MST1R: variants seen among roughly 807,000 people sequenced by gnomAD.
MST1R encodes macrophage-stimulating protein receptor.
Under a neutral mutation model 117.8 loss-of-function variants are expected in MST1R, and 99 were observed. The observed-to-expected ratio is 0.84, with a 90% CI of 0.71 to 0.99. The LOEUF (loss-of-function observed/expected upper bound fraction) is 0.99, where lower values mean the gene tolerates loss of function less well. Ranked by LOEUF, MST1R falls within the 50% of genes least tolerant of loss-of-function variation. MST1R has a pLI of 0.00. For missense variants in MST1R, 1,683 were observed against 1,840.2 expected, an observed-to-expected ratio of 0.91 and a Z score of 1.56; for synonymous variants, 734 against 765.3, an observed-to-expected ratio of 0.96 and a Z score of 0.68.
chr3:49,894,085 G>A (rs2082395359), intron 14 of MST1R, among the ~76,000 whole-genome samples: 1 of 150,874 alleles, frequency 6.6e-6, no homozygotes, highest in Non-Finnish European at 1.5e-5. Context: ...TGTTGTGGCA[G>A]GCGCCTGTAA....
chr3:49,894,707 T>G (rs953624970), intron 14 of MST1R, among the ~76,000 whole-genome samples: 29 of 152,194 alleles, frequency 1.9e-4, no homozygotes, highest in Non-Finnish European at 2.9e-4. Context: ...ATTTTACAGA[T>G]GAGCAAATGG....
At chr3:49,889,608 A>G (rs1290794967) in intron 19 of MST1R, among the ~76,000 whole-genome samples, 1 of 152,114 alleles carries the variant, frequency 6.6e-6, no homozygotes, top group East Asian at 1.9e-4. Context: ...CTCGAGATTA[A>G]ATGAGAGGAA....
At chr3:49,897,830 G>A (rs940585277) in intron 5 of MST1R, 145 bp from the exon 6 acceptor site, 2 of 1,246,462 alleles carry the variant, frequency 1.6e-6, no homozygotes, top group African/African-American at 3.0e-5. Context: ...GTTCTGGTGG[G>A]GCAGAGATTA....
At position 49,898,809 on chromosome 3, in the gene MST1R, G is replaced by A. The variant is rs2082569251; in HGVS notation, c.1548+58C>T. On this transcript the variant is annotated intron_variant, in intron 3 of 19. Coordinates refer to ENST00000296474, the MANE Select transcript of MST1R (RefSeq NM_002447.4). ...TGTATGTCAATGCCTCCCTGGATTG[G>A]ATGGAGAGTCTGTGATCCCACAACC... The A allele has an allele frequency of 1.6e-5, 25 of 1,610,856 alleles. No individual in the cohort carries two copies. In the South Asian group the frequency reaches 2.5e-4, roughly 16 times the overall value.
chr3:49,903,103 G>A lies in MST1R; in HGVS notation c.507C>T (p.Asn169=), dbSNP rs2108509960. ...APACLFSAHH[N]RPDDCPDCVA... is the part of the protein sequence containing the mutation. ...CACAGTCGGGGCAGTCATCGGGCCG[G>A]TTATGGTGGGCTGAGAAGAGGCAGG... The change falls in exon 1 of 20, where the codon AAC becomes AAT. Residue 169 remains asparagine (N), a synonymous_variant. Transcript: ENST00000296474. 6.2e-7 allele frequency: 1 copy of A among 1,605,684 alleles called. No homozygotes were observed.
rs759222285 is a variant in MST1R, at chr3:49,898,135, G to T, written c.1796C>A (p.Ser599Tyr). Residue 599 changes from serine (S) to tyrosine (Y), a missense_variant, in exon 5 of 20, where the codon TCT (serine) becomes TAT (tyrosine). Ser to Tyr is a moderately radical substitution (Grantham distance 144). Transcript: ENST00000296474. ...ATGGGTTCCCTCAGGCACCAGACCA[G>T]AAGGGTGAAGGTAGAAGTTGGAGCC... ...LCGSNFYLHP[S>Y]GLVPEGTHQV... 1.5e-5 allele frequency: 25 copies of T among 1,613,970 alleles called. No homozygotes were observed. The highest frequency in any genetic ancestry group is 2.0e-5 in the Non-Finnish European group (24 of 1,180,040).
Position 49,895,885 on chromosome 3 carries a change from G to A in MST1R, c.2797-5C>T, listed in dbSNP as rs759285383. ...ACATTCACCATCTACGCAGACCTGG[G>A]GGCAGGTGGCAACTCAGGCCCAGCC... On this transcript the variant is annotated splice_region_variant and splice_polypyrimidine_tract_variant and intron_variant, in intron 11 of 19. Coordinates refer to ENST00000296474, the MANE Select transcript of MST1R (RefSeq NM_002447.4). 6.3e-7 allele frequency: 1 copy of A among 1,592,604 alleles called. No homozygotes were observed. The highest frequency in any genetic ancestry group is 8.6e-7 in the Non-Finnish European group (1 of 1,168,326).
intron 1 of MST1R, among the ~76,000 whole-genome samples, chr3:49,901,922 CGTG>C (rs948267520): frequency 8.9e-5 from 4 of 44,828 alleles, no homozygotes; most frequent in South Asian, 1.7e-3. Flanking sequence ...TGTATTTGTG[CGTG>C]GTGGTGGTGG....
intron 11 of MST1R, 34 bp downstream of exon 11, chr3:49,895,927 G>A (rs371506745): frequency 7.1e-5 from 111 of 1,570,338 alleles, no homozygotes; most frequent in African/African-American, 1.6e-4. Context: ...CCCTCTGCCC[G>A]TGTTTCCCAG....
chr3:49,891,549 G>A lies in MST1R; in HGVS notation c.3384C>T (p.Phe1128=), dbSNP rs369460234. The A allele has an allele frequency of 1.9e-6, 3 of 1,613,820 alleles. No homozygotes were observed. ...CACGCATGAGCAGCCCCTCTCGCAGGAAGGCCTCCACCTGCTGCATCTCTG... is the reference window on the plus strand; with the variant it reads ...CACGCATGAGCAGCCCCTCTCGCAGAAAGGCCTCCACCTGCTGCATCTCTG... ...RITEMQQVEA[F]LREGLLMRGL... is the part of the protein sequence containing the mutation. The change falls in exon 16 of 20, where the codon TTC becomes TTT. Residue 1128 remains phenylalanine, a synonymous_variant. Coordinates refer to ENST00000296474, the MANE Select transcript of MST1R (RefSeq NM_002447.4).
At chr3:49,892,722 G>A (rs1245595072) in intron 14 of MST1R, among the ~76,000 whole-genome samples, 1 of 151,826 alleles carries the variant, frequency 6.6e-6, no homozygotes, top group Non-Finnish European at 1.5e-5. Context: ...GGGATGCTGG[G>A]GCGGGAGGAT....
intron 14 of MST1R, 89 bp from the exon 15 acceptor site, chr3:49,891,927 G>A: frequency 5.1e-6 from 5 of 972,594 alleles, no homozygotes; most frequent in South Asian, 4.3e-5. Flanking sequence ...AGACCTCAGA[G>A]CACTAAACTG....
At position 49,903,215 on chromosome 3, in the gene MST1R, A is replaced by G. The variant is rs1179226986; in HGVS notation, c.395T>C (p.Leu132Pro). 1 of 1,606,818 alleles carries G rather than the reference A, an allele frequency of 6.2e-7. No homozygotes were observed. Among genetic ancestry groups the G allele is most frequent in the Non-Finnish European group, 8.5e-7 (1 of 1,179,986 alleles). ...CTGCAGGCTGGAGCCACAACTGACC[A>G]GCGCAGGCAGCGCGGGATCCAGCAC... is the stretch of plus-strand genomic sequence containing the variant. ...VLVLDPALPA[L>P]VSCGSSLQGR... The change falls in exon 1 of 20, where the codon CTG (leucine) becomes CCG (proline). Residue 132 changes from leucine (L) to proline (P), a missense_variant. Physicochemically the swap from Leu to Pro is moderately conservative, Grantham distance 98. Coordinates refer to ENST00000296474, the MANE Select transcript of MST1R (RefSeq NM_002447.4).
At chr3:49,888,537 G>A (rs1372452737) in intron 19 of MST1R, among the ~76,000 whole-genome samples, 4 of 151,964 alleles carry the variant, frequency 2.6e-5, no homozygotes, top group African/African-American at 9.7e-5. Flanking sequence ...GGGAGGCAGA[G>A]GTTGCAGTGA....
At chr3:49,889,456 A>T (rs1487974837) in intron 19 of MST1R, among the ~76,000 whole-genome samples, 1 of 152,144 alleles carries the variant, frequency 6.6e-6, no homozygotes, top group Non-Finnish European at 1.5e-5. Flanking sequence ...GCTGAACCTC[A>T]GCACCGAACC....
In MST1R at chr3:49,897,689, G is replaced by A. The variant is rs1195112059; in HGVS notation, c.1881-4C>T. On this transcript the variant is annotated splice_polypyrimidine_tract_variant and splice_region_variant and intron_variant, in intron 5 of 19. Coordinates refer to ENST00000296474, the MANE Select transcript of MST1R (RefSeq NM_002447.4). Reference sequence around the variant, plus strand: ...AAAGTCTTTCCGGGGCACTGGTCTGGGGCACCAGGGGAACCCCTGAGGTCA... The same window carrying A: ...AAAGTCTTTCCGGGGCACTGGTCTGAGGCACCAGGGGAACCCCTGAGGTCA... 3 of 1,607,916 alleles carry A rather than the reference G, an allele frequency of 1.9e-6. No homozygotes were observed. Among genetic ancestry groups the A allele is most frequent in the Non-Finnish European group, 2.5e-6 (3 of 1,176,900 alleles).
In MST1R at chr3:49,896,818, C is replaced by T; in HGVS notation, c.2256G>A (p.Gln752=). 4 of 1,558,562 alleles carry T rather than the reference C, an allele frequency of 2.6e-6. No homozygotes were observed. The highest frequency in any genetic ancestry group is 3.5e-6 in the Non-Finnish European group (4 of 1,150,344). The part of the protein sequence containing the change: ...ATVASVPLSL[Q]VGGAQVPGSW... ...AACCAGGTACCTGGGCACCCCCCACCTGCAGGCTAAGGGGGACACTGGCCA... is the reference window on the plus strand; with the variant it reads ...AACCAGGTACCTGGGCACCCCCCACTTGCAGGCTAAGGGGGACACTGGCCA... Residue 752 remains glutamine, a synonymous_variant, in exon 8 of 20, where the codon CAG becomes CAA. Coordinates refer to ENST00000296474, the MANE Select transcript of MST1R (RefSeq NM_002447.4).
rs1445423789 is a variant in MST1R, at chr3:49,902,702, G to T, written c.908C>A (p.Ala303Asp). 2 of 1,613,564 alleles carry T rather than the reference G, an allele frequency of 1.2e-6. No individual in the cohort carries two copies. Among genetic ancestry groups the T allele is most frequent in the Non-Finnish European group, 8.5e-7 (1 of 1,180,038 alleles). ...GGCCCCCCGGCGCCTGCGTTTTGGA[G>T]CAAATCTGCAGTCGAGGACCAGCTC... ...YRELVLDCRF[A>D]PKRRRRGAPE... Residue 303 changes from alanine to aspartate, a missense_variant, in exon 1 of 20, where the codon GCT becomes GAT. Coordinates refer to ENST00000296474, the MANE Select transcript of MST1R (RefSeq NM_002447.4).
intron 15 of MST1R, 32 bp from the exon 16 acceptor site, chr3:49,891,612 G>C: frequency 1.2e-6 from 2 of 1,612,492 alleles, no homozygotes; most frequent in Non-Finnish European, 1.7e-6. Flanking sequence ...GCACAGGGCA[G>C]GGCGTCCCTT....
Sources: allele counts gnomAD v4.1 joint callset (sites outside exome capture counted in the v4.1 genomes callset), GRCh38; gene constraint gnomAD v4.1.1; transcripts MANE v1.5; gene names NCBI Gene and HGNC (gene_info 2026-07-23, HGNC 2026-07-21).